BSPRY: variants seen among roughly 807,000 people sequenced by gnomAD.
BSPRY encodes B box and SPRY domain-containing protein.
BSPRY carries 33 observed loss-of-function variants against 38.0 expected under a neutral mutation model. That is an observed-to-expected ratio of 0.87 (90% CI 0.66 to 1.16). The LOEUF is 1.16. Ranked by LOEUF, BSPRY falls within the 50% of genes most tolerant of loss-of-function variation. BSPRY has a pLI of 0.00. For synonymous variants in BSPRY, 224 were observed against 228.5 expected, an observed-to-expected ratio of 0.98 and a Z score of 0.18; for missense variants, 523 against 533.2, an observed-to-expected ratio of 0.98 and a Z score of 0.19.
intron 1 of BSPRY, among the ~76,000 whole-genome samples, chr9:113,353,204 A>T (rs1833998381): frequency 6.6e-6 from 1 of 152,028 alleles, no homozygotes; most frequent in African/African-American, 2.4e-5. Context: ...CCTATGCAAC[A>T]TGGCAAAAGT....
At chr9:113,369,170 A>C (rs185042406) in intron 5 of BSPRY, among the ~76,000 whole-genome samples, 29 of 152,282 alleles carry the variant, frequency 1.9e-4, no homozygotes, top group African/African-American at 7.0e-4. Context: ...TGTTTCTAGG[A>C]CACGTCCAAT....
intron 1 of BSPRY, among the ~76,000 whole-genome samples, chr9:113,350,526 C>CT (rs1833955519): frequency 6.6e-6 from 1 of 152,138 alleles, no homozygotes; most frequent in African/African-American, 2.4e-5. Context: ...CATCACCATT[C>CT]TCCTGAGCTG....
intron 3 of BSPRY, among the ~76,000 whole-genome samples, chr9:113,361,356 C>T (rs940807276): frequency 6.6e-6 from 1 of 152,182 alleles, no homozygotes; most frequent in African/African-American, 2.4e-5. Flanking sequence ...TTCTTTGGCA[C>T]TGATAATAGT....
Position 113,368,320 on chromosome 9 carries a change from A to T in BSPRY, c.619A>T (p.Lys207Ter), listed in dbSNP as rs1239601792. The T allele has an allele frequency of 1.2e-5, 20 of 1,613,964 alleles. No individual in the cohort carries two copies. Among genetic ancestry groups the T allele is most frequent in the Admixed American group, 3.3e-5 (2 of 59,984 alleles). ...QESEMLNFNE[K>*]CTRSPLLTQL... ...GTCGGAAATGTTAAACTTTAATGAG[A>T]AGTGCACTCGGAGCCCACTACTGAC... The change falls in exon 5 of 6, where the codon AAG (lysine) becomes TAG (stop). Residue 207 changes from lysine to a stop codon, truncating the protein, a stop_gained. Coordinates refer to ENST00000374183, the MANE Select transcript of BSPRY (RefSeq NM_017688.3). LOFTEE classifies it high-confidence loss of function.
chr9:113,357,068 G>A (rs1045502002), intron 2 of BSPRY, among the ~76,000 whole-genome samples: 1 of 152,088 alleles, frequency 6.6e-6, no homozygotes, highest in African/African-American at 2.4e-5. Flanking sequence ...GTGTAGACAC[G>A]AAAGAGCAGC....
At chr9:113,364,019 C>G (rs991187331) in intron 4 of BSPRY, among the ~76,000 whole-genome samples, 1 of 151,504 alleles carries the variant, frequency 6.6e-6, no homozygotes, top group African/African-American at 2.4e-5. Context: ...CGAAAGAAAC[C>G]TATTAAAAAT....
At chr9:113,369,509 A>G in intron 5 of BSPRY, 107 bp from the exon 6 acceptor site, 1 of 1,174,772 alleles carries the variant, frequency 8.5e-7, no homozygotes, top group South Asian at 1.5e-5. Context: ...TAAATGGCTT[A>G]TATGAGGTCA....
intron 3 of BSPRY, among the ~76,000 whole-genome samples, chr9:113,361,162 C>T (rs1359292839): frequency 6.6e-6 from 1 of 152,126 alleles, no homozygotes; most frequent in Non-Finnish European, 1.5e-5. Flanking sequence ...CCACTAACCC[C>T]CAACCCTGCT....
In BSPRY at chr9:113,370,076, G is replaced by T. The variant is rs772263700; in HGVS notation, c.1143G>T (p.Val381=). The change falls in exon 6 of 6, where the codon GTG becomes GTT. Residue 381 remains valine (V), a synonymous_variant. Transcript: ENST00000374183. This position sits in a 1 kb window ranked among gnomAD's most constrained non-coding sequence, Gnocchi z 4.8. ...ASGTVLCAHH[V]SFPGPLFPVF... ...GCACAGTGCTCTGTGCCCATCATGT[G>T]TCCTTCCCGGGGCCCCTCTTCCCAG... The T allele has an allele frequency of 1.1e-5, 17 of 1,611,748 alleles. No individual in the cohort carries two copies. In the Admixed American group the frequency reaches 2.2e-4, roughly 21 times the overall value.
chr9:113,369,300 C>G (rs3789254), intron 5 of BSPRY, among the ~76,000 whole-genome samples: 279 of 152,204 alleles, frequency 1.8e-3, no homozygotes, highest in African/African-American at 6.3e-3. Flanking sequence ...GGGCAACTCC[C>G]TTTTTCTCTC....
intron 1 of BSPRY, among the ~76,000 whole-genome samples, chr9:113,353,349 G>A (rs1035157109): frequency 3.9e-5 from 6 of 152,098 alleles, no homozygotes; most frequent in Non-Finnish European, 8.8e-5. Flanking sequence ...TCATGCCACT[G>A]CACTCAGCCT....
At position 113,349,556 on chromosome 9, in the gene BSPRY, A is replaced by G; in HGVS notation, c.-24A>G. On this transcript the variant is annotated 5_prime_UTR_variant, in exon 1 of 6. Transcript: ENST00000374183. ...GCCCGCCGCCACCTGCGACAGGTGG[A>G]GCGCACGGGGCGGGCGCACGGCCAT... The G allele has an allele frequency of 8.9e-7, 1 of 1,126,468 alleles. No individual in the cohort carries two copies. Among genetic ancestry groups the G allele is most frequent in the Non-Finnish European group, 1.1e-6 (1 of 921,666 alleles). The allele number at this position is 1,126,468 out of a possible 1,614,324, so 69.8% of individuals were successfully genotyped here.
chr9:113,369,054 T>C (rs1293120671), intron 5 of BSPRY, among the ~76,000 whole-genome samples: 1 of 152,074 alleles, frequency 6.6e-6, no homozygotes, highest in Non-Finnish European at 1.5e-5. Flanking sequence ...GTAGAAGCTG[T>C]AGCTTCTCTA....
At chr9:113,360,814 G>C in intron 3 of BSPRY, 77 bp downstream of exon 3, 1 of 1,207,610 alleles carries the variant, frequency 8.3e-7, no homozygotes, top group Non-Finnish European at 1.2e-6. Flanking sequence ...AATGTTTGTC[G>C]GTATGAGGAG....
chr9:113,368,509 A>G, intron 5 of BSPRY, 126 bp downstream of exon 5: 1 of 1,327,818 alleles, frequency 7.5e-7, no homozygotes, highest in Non-Finnish European at 1.0e-6. Context: ...GTCATGCTGG[A>G]TGCAGGCTGG....
chr9:113,363,848 G>C (rs1353832006), intron 4 of BSPRY, among the ~76,000 whole-genome samples: 2 of 120,662 alleles, frequency 1.7e-5, no homozygotes, highest in South Asian at 2.9e-4. Context: ...CTGCACTCCA[G>C]CCTGGGTGAC....
intron 5 of BSPRY, among the ~76,000 whole-genome samples, chr9:113,368,971 G>A (rs775449797): frequency 3.3e-4 from 49 of 150,552 alleles, no homozygotes; most frequent in Non-Finnish European, 1.5e-4. Flanking sequence ...TCGTGGAACA[G>A]TTAGGTTAAT....
chr9:113,350,631 A>C (rs1364103546), intron 1 of BSPRY, among the ~76,000 whole-genome samples: 1 of 151,028 alleles, frequency 6.6e-6, no homozygotes, highest in Non-Finnish European at 1.5e-5. Context: ...TCCCAACCCG[A>C]CTCTGCAGTT....
rs1834139048 is a variant in BSPRY, at chr9:113,360,689, C to T, written c.483C>T (p.Arg161=). 1 of 1,605,136 alleles carries T rather than the reference C, an allele frequency of 6.2e-7. No homozygotes were observed. The highest frequency in any genetic ancestry group is 1.7e-5 in the Admixed American group (1 of 58,944). The change falls in exon 3 of 6, where the codon CGC becomes CGT. Residue 161 remains arginine, a synonymous_variant. Transcript: ENST00000374183. ...AEALQKLDTI[R]TGLVGMLTHL... is the part of the protein sequence containing the mutation. The stretch of plus-strand genomic sequence containing the variant: ...CGCTGCAGAAACTTGACACCATCCG[C>T]ACTGGCCTGGTGGGCATGCTTACTC...
Sources: gnomAD v4.1 joint callset for allele counts (sites outside exome capture counted in the v4.1 genomes callset) on GRCh38, gnomAD v4.1.1 for gene constraint, Gnocchi (gnomAD v3.1) non-coding constraint, MANE v1.5 for transcripts, NCBI Gene and HGNC (gene_info 2026-07-23, HGNC 2026-07-21) for gene names.